FAF1: variants seen among roughly 807,000 people sequenced by gnomAD.
The protein encoded by FAF1 is Fas associated factor 1.
Under a neutral mutation model 92.5 loss-of-function variants are expected in FAF1, and 25 were observed. The observed-to-expected ratio is 0.27, with a 90% CI of 0.20 to 0.38. FAF1 has a LOEUF of 0.38. FAF1 is among the 10% of genes least tolerant of loss of function. FAF1 has a pLI of 1.00. For missense variants in FAF1, 636 were observed against 793.3 expected, an observed-to-expected ratio of 0.80 and a Z score of 2.38; for synonymous variants, 234 against 273.2, an observed-to-expected ratio of 0.86 and a Z score of 1.42.
chr1:50,447,172 C>T (rs1476057290), intron 18 of FAF1, among the ~76,000 whole-genome samples: 6 of 132,938 alleles, frequency 4.5e-5, no homozygotes, highest in Admixed American at 2.6e-4. Flanking sequence ...GTTGTCCAGG[C>T]TGGAGTGCAG....
chr1:50,907,938 T>C (rs1293365642), intron 1 of FAF1, among the ~76,000 whole-genome samples: 1 of 152,202 alleles, frequency 6.6e-6, no homozygotes, highest in African/African-American at 2.4e-5. Flanking sequence ...TGCTCTTGCT[T>C]ATCTAGTTCT....
At chr1:50,941,896 A>G (rs1044937002) in intron 1 of FAF1, among the ~76,000 whole-genome samples, 17 of 152,216 alleles carry the variant, frequency 1.1e-4, no homozygotes, top group Non-Finnish European at 2.4e-4. Flanking sequence ...ATGATTTTTA[A>G]TATTTTTTAA....
intron 18 of FAF1, among the ~76,000 whole-genome samples, chr1:50,442,150 G>A (rs1402136671): frequency 6.6e-6 from 1 of 152,088 alleles, no homozygotes; most frequent in African/African-American, 2.4e-5. Context: ...AATCTTGGCT[G>A]AGTGGGATAC....
At chr1:50,470,056 C>T (rs890298621) in intron 18 of FAF1, among the ~76,000 whole-genome samples, 1 of 152,072 alleles carries the variant, frequency 6.6e-6, no homozygotes. Flanking sequence ...AAAGTTTTTC[C>T]TTCTGGCTCT....
At chr1:50,452,260 G>T in intron 18 of FAF1, 1 of 769,516 alleles carries the variant, frequency 1.3e-6, no homozygotes, top group Non-Finnish European at 1.9e-6. Flanking sequence ...CAAGCTCATT[G>T]CCCCTGAAAG....
rs549807538 is a variant in FAF1, at chr1:50,840,284, T to G, written c.114+17645A>C. ...TTTTATTCAAGTTAAAACCTTTGAC[T>G]GTCAAAAGACCCCACTAAGAAAATG... On this transcript the variant is annotated intron_variant, in intron 2 of 18. Coordinates refer to ENST00000396153, the MANE Select transcript of FAF1 (RefSeq NM_007051.3). 3.3e-5 allele frequency among the ~76,000 whole-genome samples: 5 copies of G among 152,096 alleles called. No individual in the cohort carries two copies. The East Asian group carries it at 9.6e-4, about 29-fold the overall frequency.
intron 2 of FAF1, among the ~76,000 whole-genome samples, chr1:50,828,523 C>A (rs917277487): frequency 6.6e-6 from 1 of 152,110 alleles, no homozygotes; most frequent in Non-Finnish European, 1.5e-5. Flanking sequence ...CCCACCTTGG[C>A]CTTCCAAAGT....
intron 12 of FAF1, among the ~76,000 whole-genome samples, chr1:50,571,938 C>T (rs1338645894): frequency 6.6e-6 from 1 of 152,142 alleles, no homozygotes; most frequent in East Asian, 1.9e-4. Context: ...ATGTTCAATG[C>T]TTTTAAAGTT....
At chr1:50,815,488 A>C (rs906004786) in intron 2 of FAF1, among the ~76,000 whole-genome samples, 1 of 152,168 alleles carries the variant, frequency 6.6e-6, no homozygotes, top group Non-Finnish European at 1.5e-5. Flanking sequence ...GATTGATTCC[A>C]TGTCTTCGCT....
chr1:50,528,720 G>C (rs1647973353), intron 15 of FAF1, among the ~76,000 whole-genome samples: 1 of 152,062 alleles, frequency 6.6e-6, no homozygotes, highest in Admixed American at 6.6e-5. Flanking sequence ...TTTTTCAATA[G>C]AAGTTATACA....
At chr1:50,495,379 T>C (rs1368285960) in intron 15 of FAF1, among the ~76,000 whole-genome samples, 1 of 152,234 alleles carries the variant, frequency 6.6e-6, no homozygotes, top group Non-Finnish European at 1.5e-5. Flanking sequence ...GTTCTGTGCC[T>C]CACTTATTTC....
At chr1:50,903,927 A>G (rs1644815557) in intron 1 of FAF1, among the ~76,000 whole-genome samples, 1 of 152,208 alleles carries the variant, frequency 6.6e-6, no homozygotes, top group Non-Finnish European at 1.5e-5. Flanking sequence ...AGCTACGTAC[A>G]TGAAAACTGT....
intron 7 of FAF1, among the ~76,000 whole-genome samples, chr1:50,661,975 C>T (rs561440978): frequency 4.6e-5 from 7 of 152,176 alleles, no homozygotes; most frequent in South Asian, 4.2e-4. Flanking sequence ...CGCTTGAAAC[C>T]GGATGGTGCA....
intron 1 of FAF1, among the ~76,000 whole-genome samples, chr1:50,956,497 C>A (rs564540383): frequency 6.6e-6 from 1 of 152,184 alleles, no homozygotes; most frequent in Admixed American, 6.5e-5. Flanking sequence ...AAAGATAATA[C>A]TGAGCTCTCA....
chr1:50,824,457 T>C (rs78625523), intron 2 of FAF1, among the ~76,000 whole-genome samples: 34,909 of 152,016 alleles, frequency 0.23, 4,461 homozygotes, highest in Middle Eastern at 0.44. Context: ...GCATCAACCA[T>C]AGCACTTAAA....
chr1:50,857,269 T>C (rs1472722231), intron 2 of FAF1, among the ~76,000 whole-genome samples: 2 of 151,804 alleles, frequency 1.3e-5, no homozygotes, highest in African/African-American at 2.4e-5. Context: ...TCTTAAGTTT[T>C]GACTTTTGAA....
Position 50,459,557 on chromosome 1 carries a change from C to T in FAF1, c.1869+15907G>A, listed in dbSNP as rs147627384. On this transcript the variant is annotated intron_variant, in intron 18 of 18. Transcript: ENST00000396153. ...GAGACCTCTAAGTCACCTCTGAAAA[C>T]TTCCTATCCTCCCGCAACCTTGACA... 2.6e-4 allele frequency among the ~76,000 whole-genome samples: 40 copies of T among 152,322 alleles called. No homozygotes were observed. The East Asian group carries it at 7.5e-3, about 29-fold the overall frequency.
At chr1:50,523,057 A>G (rs1235121955) in intron 15 of FAF1, among the ~76,000 whole-genome samples, 1 of 152,108 alleles carries the variant, frequency 6.6e-6, no homozygotes, top group Non-Finnish European at 1.5e-5. Flanking sequence ...TACTTAGCAT[A>G]TTTTCAAGAT....
intron 8 of FAF1, among the ~76,000 whole-genome samples, chr1:50,607,777 C>G (rs768123344): frequency 1.3e-5 from 2 of 152,228 alleles, no homozygotes; most frequent in African/African-American, 4.8e-5. Context: ...CAGTGACACT[C>G]GGACAAATCT....
Sources: gnomAD v4.1 joint callset for allele counts (sites outside exome capture counted in the v4.1 genomes callset) on GRCh38, gnomAD v4.1.1 for gene constraint, MANE v1.5 for transcripts, NCBI Gene and HGNC (gene_info 2026-07-23, HGNC 2026-07-21) for gene names.